Variants in COL4A2 observed in about 807,000 individuals in gnomAD.
COL4A2 encodes the protein collagen type IV alpha 2 chain, also known as collagen alpha-2(IV) chain.
A neutral mutation model predicts 200.2 loss-of-function variants in COL4A2; 99 were observed. The ratio of observed to expected loss-of-function variants is 0.49; its 90% confidence interval spans 0.42 to 0.58. COL4A2 has a LOEUF of 0.58. Among genes scored for constraint, COL4A2 ranks in the 20% least tolerant of loss-of-function variants. The probability of loss-of-function intolerance (pLI) is 0.00; values close to 1 mark genes in which losing one functional copy is unlikely to be tolerated. For missense variants in COL4A2, 1,950 were observed against 2,314.1 expected, an observed-to-expected ratio of 0.84 and a Z score of 3.23; for synonymous variants, 897 against 900.6, an observed-to-expected ratio of 1.00 and a Z score of 0.07.
At chr13:110,334,654 A>G (rs1282868957) in intron 3 of COL4A2, among the ~76,000 whole-genome samples, 1 of 152,220 alleles carries the variant, frequency 6.6e-6, no homozygotes, top group Non-Finnish European at 1.5e-5. Flanking sequence ...AACTTGGAAA[A>G]GCCTCCATGC....
Position 110,503,848 on chromosome 13 carries a change from T to C in COL4A2, c.4140T>C (p.Gly1380=), listed in dbSNP as rs754980601. 22 of 1,613,624 alleles carry C rather than the reference T, an allele frequency of 1.4e-5. No individual in the cohort carries two copies. The highest frequency in any genetic ancestry group is 1.8e-5 in the Non-Finnish European group (21 of 1,179,850). Residue 1380 remains glycine, a splice_region_variant and synonymous_variant, in exon 44 of 48, where the codon GGT becomes GGC. Coordinates refer to ENST00000360467, the MANE Select transcript of COL4A2 (RefSeq NM_001846.4). ...GGGGCCTCTCTGTTTCCCTTCCAGG[T>C]GCCCCCGGGACTGTGGGAGCCCCCG... is the stretch of plus-strand genomic sequence containing the variant. The part of the protein sequence containing the change: ...KGPKGDPGFP[G]APGTVGAPGI...
intron 16 of COL4A2, among the ~76,000 whole-genome samples, chr13:110,442,114 A>G (rs1334041447): frequency 6.7e-6 from 1 of 149,002 alleles, no homozygotes; most frequent in Non-Finnish European, 1.5e-5. Flanking sequence ...AAAAAAAAAA[A>G]AGGGCAGTTC....
At chr13:110,422,587 C>A (rs1233889341) in intron 4 of COL4A2, among the ~76,000 whole-genome samples, 2 of 152,206 alleles carry the variant, frequency 1.3e-5, no homozygotes, top group Non-Finnish European at 2.9e-5. Context: ...CAGAGGAGAA[C>A]CCACTGTCTC....
At chr13:110,380,978 A>C (rs1011252885) in intron 4 of COL4A2, among the ~76,000 whole-genome samples, 1 of 144,924 alleles carries the variant, frequency 6.9e-6, no homozygotes, top group Non-Finnish European at 1.5e-5. Flanking sequence ...GCTCTATGTC[A>C]CACCCACAGG....
At chr13:110,416,249 G>A (rs1350714922) in intron 4 of COL4A2, among the ~76,000 whole-genome samples, 1 of 152,146 alleles carries the variant, frequency 6.6e-6, no homozygotes, top group Non-Finnish European at 1.5e-5. Context: ...ACCCATTCGC[G>A]GCCTGACAGC....
At chr13:110,367,347 T>G (rs1877800893) in intron 4 of COL4A2, among the ~76,000 whole-genome samples, 1 of 152,262 alleles carries the variant, frequency 6.6e-6, no homozygotes, top group Non-Finnish European at 1.5e-5. Context: ...CATCCGTGTT[T>G]TCTATTAAAT....
chr13:110,501,553 A>T, intron 40 of COL4A2, 115 bp from the exon 41 acceptor site: 1 of 937,354 alleles, frequency 1.1e-6, no homozygotes, highest in Non-Finnish European at 1.7e-6. Flanking sequence ...ACCTCCCATC[A>T]CTGTCTCGCT....
At chr13:110,380,742 C>G (rs1878436431) in intron 4 of COL4A2, among the ~76,000 whole-genome samples, 1 of 151,448 alleles carries the variant, frequency 6.6e-6, no homozygotes, top group Non-Finnish European at 1.5e-5. Context: ...ATCTCATACC[C>G]ACGTGCTCTG....
chr13:110,403,715 C>T (rs1879459856), intron 4 of COL4A2, among the ~76,000 whole-genome samples: 1 of 152,188 alleles, frequency 6.6e-6, no homozygotes, highest in Non-Finnish European at 1.5e-5. Flanking sequence ...TCAGACCCTA[C>T]CCATTACCCA....
In COL4A2 at chr13:110,307,566, C is replaced by G. The variant is rs1653001521; in HGVS notation, c.-45+38C>G. The stretch of plus-strand genomic sequence containing the variant: ...CCCGAGCGGCGCCCAGACCCTGGCC[C>G]GAGAGCACCGACTTGGAGCGCCTTG... On this transcript the variant is annotated intron_variant, in intron 1 of 47. Transcript: ENST00000360467. This position sits in a 1 kb window ranked among gnomAD's most constrained non-coding sequence, Gnocchi z 5.0. The G allele has an allele frequency of 8.6e-6, 3 of 350,562 alleles. No homozygotes were observed. The highest frequency in any genetic ancestry group is 1.5e-5 in the Non-Finnish European group (3 of 194,978). 21.7% of individuals were successfully genotyped at this position (350,562 alleles called of 1,614,324 possible).
At position 110,508,056 on chromosome 13, in the gene COL4A2, G is replaced by A. The variant is rs201510187; in HGVS notation, c.4716G>A (p.Pro1572=). The change falls in exon 47 of 48, where the codon CCG becomes CCA. Residue 1572 remains proline (P), a synonymous_variant. Transcript: ENST00000360467. This position sits in a 1 kb window ranked among gnomAD's most constrained non-coding sequence, Gnocchi z 6.1. ...CCTACTGGCTCTCTACCACTGCGCC[G>A]CTGCCCATGATGCCCGTGGCCGAGG... The part of the protein sequence containing the change: ...DKSYWLSTTA[P]LPMMPVAEDE... 4.1e-4 allele frequency: 664 copies of A among 1,614,108 alleles called. 2 individuals carry two copies. Among genetic ancestry groups the A allele is most frequent in the Non-Finnish European group, 5.4e-4 (632 of 1,180,046 alleles).
At chr13:110,324,436 C>A (rs1224484170) in intron 3 of COL4A2, among the ~76,000 whole-genome samples, 1 of 152,210 alleles carries the variant, frequency 6.6e-6, no homozygotes, top group Non-Finnish European at 1.5e-5. Context: ...TGAGAAGGCA[C>A]TTCCACAAGG....
At chr13:110,373,413 A>G (rs192305586) in intron 4 of COL4A2, among the ~76,000 whole-genome samples, 1 of 152,364 alleles carries the variant, frequency 6.6e-6, no homozygotes, top group African/African-American at 2.4e-5. Flanking sequence ...GGCTTTGGGT[A>G]GTGAAATATT....
At chr13:110,321,223 TATAC>T (rs1171159085) in intron 3 of COL4A2, among the ~76,000 whole-genome samples, 15 of 143,530 alleles carry the variant, frequency 1.0e-4, no homozygotes, top group South Asian at 2.1e-4. Context: ...TATATATATA[TATAC>T]ACACACACAC....
chr13:110,315,285 T>C (rs1187952634), intron 3 of COL4A2, among the ~76,000 whole-genome samples: 1 of 152,250 alleles, frequency 6.6e-6, no homozygotes. Context: ...AAGTGTCTTC[T>C]CCACTGATAG....
At chr13:110,352,696 T>C (rs1292230489) in intron 3 of COL4A2, among the ~76,000 whole-genome samples, 1 of 152,182 alleles carries the variant, frequency 6.6e-6, no homozygotes, top group Admixed American at 6.5e-5. Context: ...GATTCCTCGG[T>C]GGTCCCGAGT....
chr13:110,355,164 G>A (rs951195138), intron 3 of COL4A2, among the ~76,000 whole-genome samples: 1 of 152,370 alleles, frequency 6.6e-6, no homozygotes, highest in Non-Finnish European at 1.5e-5. Flanking sequence ...CCAGAAGCCA[G>A]CCTTGTCCAG....
chr13:110,401,759 A>G lies in COL4A2; in HGVS notation c.181-22975A>G, dbSNP rs148039491. 2.3e-3 allele frequency among the ~76,000 whole-genome samples: 353 copies of G among 152,330 alleles called. 1 individual carries two copies. The highest frequency in any genetic ancestry group is 3.7e-3 in the Admixed American group (57 of 15,290). ...AAAAATACCTTAGGCTGGATAATTT[A>G]TAAATGACAGAAATTTATTTCTCAC... On this transcript the variant is annotated intron_variant, in intron 4 of 47. Transcript: ENST00000360467.
At chr13:110,467,464 A>G (rs751703496) in intron 27 of COL4A2, among the ~76,000 whole-genome samples, 14 of 152,254 alleles carry the variant, frequency 9.2e-5, no homozygotes, top group Non-Finnish European at 1.9e-4. Context: ...AAGAACCTAC[A>G]GGAGAGGATG....
Sources: gnomAD v4.1 joint callset for allele counts (sites outside exome capture counted in the v4.1 genomes callset) on GRCh38, gnomAD v4.1.1 for gene constraint, Gnocchi (gnomAD v3.1) non-coding constraint, MANE v1.5 for transcripts, NCBI Gene and HGNC (gene_info 2026-07-23, HGNC 2026-07-21) for gene names.